MVB12B: variants seen among roughly 807,000 people sequenced by gnomAD.
MVB12B encodes multivesicular body subunit 12B, also known as ESCRT-I complex subunit MVB12B.
Under a neutral mutation model 41.6 loss-of-function variants are expected in MVB12B, and 16 were observed. That is an observed-to-expected ratio of 0.38 (90% CI 0.26 to 0.58). The LOEUF is 0.58. Ranked by LOEUF, MVB12B falls within the 20% of genes least tolerant of loss-of-function variation. The pLI is 0.62. For missense variants in MVB12B, 274 were observed against 380.2 expected, an observed-to-expected ratio of 0.72 and a Z score of 2.32; for synonymous variants, 133 against 139.7, an observed-to-expected ratio of 0.95 and a Z score of 0.34.
chr9:126,415,821 C>T (rs1405586694), intron 6 of MVB12B, among the ~76,000 whole-genome samples: 1 of 152,032 alleles, frequency 6.6e-6, no homozygotes, highest in African/African-American at 2.4e-5. Context: ...TCAGACAGCC[C>T]GATAGAGTGG....
intron 6 of MVB12B, among the ~76,000 whole-genome samples, chr9:126,409,050 T>C (rs941526423): frequency 6.6e-6 from 1 of 152,068 alleles, no homozygotes; most frequent in Non-Finnish European, 1.5e-5. Context: ...TTCCTTGAGC[T>C]TTGCTGCCCC....
intron 6 of MVB12B, among the ~76,000 whole-genome samples, chr9:126,402,099 G>T (rs921110571): frequency 6.6e-6 from 1 of 152,212 alleles, no homozygotes; most frequent in African/African-American, 2.4e-5. Flanking sequence ...CCTGTGAGAA[G>T]TTTCTCCCTA....
At chr9:126,498,019 T>G (rs1833874100) in intron 9 of MVB12B, among the ~76,000 whole-genome samples, 1 of 152,124 alleles carries the variant, frequency 6.6e-6, no homozygotes, top group African/African-American at 2.4e-5. Flanking sequence ...CCTGAAGGCC[T>G]CTCCCGGGAC....
At position 126,432,385 on chromosome 9, in the gene MVB12B, T is replaced by C. The variant is rs112941341; in HGVS notation, c.757+10437T>C. On this transcript the variant is annotated intron_variant, in intron 7 of 9. Transcript: ENST00000361171. ...CCAGACACTCCTGCCTAGAGGCAGC[T>C]TATACCAAATTAGCCTTTTGTTTCT... 7.4e-3 allele frequency among the ~76,000 whole-genome samples: 1,123 copies of C among 152,342 alleles called. 12 individuals are homozygous for C. Among genetic ancestry groups the C allele is most frequent in the East Asian group, 0.046 (239 of 5,190 alleles).
chr9:126,447,371 T>C (rs914008466), intron 7 of MVB12B, among the ~76,000 whole-genome samples: 1 of 151,884 alleles, frequency 6.6e-6, no homozygotes, highest in Non-Finnish European at 1.5e-5. Flanking sequence ...GTTATATAAA[T>C]ATTCTTGTAT....
intron 9 of MVB12B, among the ~76,000 whole-genome samples, chr9:126,501,133 C>T (rs999184295): frequency 1.3e-5 from 2 of 152,254 alleles, no homozygotes; most frequent in Non-Finnish European, 2.9e-5. Context: ...AGTCTCCTGA[C>T]CGCGGCCTGT....
chr9:126,335,301 C>T, intron 1 of MVB12B: 1 of 1,296,224 alleles, frequency 7.7e-7, no homozygotes, highest in Non-Finnish European at 1.0e-6. Context: ...TCCACAGTGA[C>T]AGCCTCTCAG....
At chr9:126,455,765 C>T (rs1832969884) in intron 7 of MVB12B, among the ~76,000 whole-genome samples, 2 of 152,140 alleles carry the variant, frequency 1.3e-5, no homozygotes, top group African/African-American at 4.8e-5. Flanking sequence ...GAATTGCAGG[C>T]GTGCAAACCA....
chr9:126,354,718 A>G (rs955723670), intron 2 of MVB12B, among the ~76,000 whole-genome samples: 1 of 152,264 alleles, frequency 6.6e-6, no homozygotes, highest in Non-Finnish European at 1.5e-5. Flanking sequence ...ATATAAATAC[A>G]GAGAAAGAAG....
chr9:126,381,425 C>G (rs757689174), intron 3 of MVB12B, among the ~76,000 whole-genome samples: 4 of 152,150 alleles, frequency 2.6e-5, no homozygotes, highest in Non-Finnish European at 5.9e-5. Context: ...AATTTCTCTC[C>G]CAGCTCTCAT....
intron 7 of MVB12B, among the ~76,000 whole-genome samples, chr9:126,467,268 G>A (rs763071905): frequency 6.6e-6 from 1 of 152,142 alleles, no homozygotes; most frequent in Admixed American, 6.5e-5. Flanking sequence ...TCCCTTGTCT[G>A]ATGTTTTCTC....
chr9:126,449,705 C>T (rs1237126254), intron 7 of MVB12B, among the ~76,000 whole-genome samples: 2 of 152,158 alleles, frequency 1.3e-5, no homozygotes, highest in African/African-American at 2.4e-5. Context: ...TTACCTGCAG[C>T]GAGAGACTGG....
chr9:126,502,542 C>A (rs752966193), intron 9 of MVB12B, among the ~76,000 whole-genome samples: 73 of 150,836 alleles, frequency 4.8e-4, no homozygotes, highest in Non-Finnish European at 8.2e-4. Context: ...GAAGGTCCCC[C>A]CACCGGGCAG....
chr9:126,449,835 T>G (rs1832858538), intron 7 of MVB12B, among the ~76,000 whole-genome samples: 1 of 152,108 alleles, frequency 6.6e-6, no homozygotes, highest in Non-Finnish European at 1.5e-5. Context: ...ATAAACTCAT[T>G]TAATCCTTGA....
At chr9:126,458,815 C>G (rs938915503) in intron 7 of MVB12B, among the ~76,000 whole-genome samples, 2 of 152,290 alleles carry the variant, frequency 1.3e-5, no homozygotes, top group South Asian at 2.1e-4. Flanking sequence ...GGAAGGAAAT[C>G]AAGAATCCAG....
At chr9:126,482,041 A>C (rs563308609) in intron 8 of MVB12B, among the ~76,000 whole-genome samples, 1 of 152,230 alleles carries the variant, frequency 6.6e-6, no homozygotes, top group African/African-American at 2.4e-5. Context: ...GGCTCACGCC[A>C]TCTTTTTATC....
chr9:126,451,465 G>C (rs1017750706), intron 7 of MVB12B, among the ~76,000 whole-genome samples: 18 of 152,128 alleles, frequency 1.2e-4, no homozygotes, highest in Non-Finnish European at 2.5e-4. Context: ...GATCCCAAGA[G>C]CTGCAGCCCA....
chr9:126,397,534 A>G (rs894439482), intron 6 of MVB12B: 18 of 985,322 alleles, frequency 1.8e-5, no homozygotes, highest in African/African-American at 1.6e-4. Flanking sequence ...AAAATAGTCA[A>G]TATAAAATGT....
intron 6 of MVB12B, among the ~76,000 whole-genome samples, chr9:126,419,806 A>G (rs1330050604): frequency 6.6e-6 from 1 of 152,146 alleles, no homozygotes; most frequent in Non-Finnish European, 1.5e-5. Flanking sequence ...TCTGGGCTGC[A>G]CCCGGCCAGG....
Sources: gnomAD v4.1 joint callset for allele counts (sites outside exome capture counted in the v4.1 genomes callset) on GRCh38, gnomAD v4.1.1 for gene constraint, MANE v1.5 for transcripts, NCBI Gene and HGNC (gene_info 2026-07-23, HGNC 2026-07-21) for gene names.